Variants in SFI1 observed in about 807,000 individuals in gnomAD.
SFI1 encodes protein SFI1 homolog.
In SFI1, 195 loss-of-function variants were observed where a neutral mutation model predicts 207.5. The observed-to-expected ratio is 0.94, with a 90% CI of 0.84 to 1.06. The LOEUF is 1.06. Among genes scored for constraint, SFI1 ranks in the 50% least tolerant of loss-of-function variants. SFI1 has a pLI of 0.00. For synonymous variants in SFI1, 630 were observed against 598.9 expected, an observed-to-expected ratio of 1.05 and a Z score of -0.76; for missense variants, 1,634 against 1,588.0, an observed-to-expected ratio of 1.03 and a Z score of -0.49.
chr22:31,608,043 G>T lies in SFI1; in HGVS notation c.2254+10G>T. On this transcript the variant is annotated intron_variant, in intron 22 of 32. Transcript: ENST00000400288. ...AAGGTGCTGGACAGGGGTAAGTGGGGCCCCAGAAGCAAGTCATGTTGAGGA... is the reference window on the plus strand; with the variant it reads ...AAGGTGCTGGACAGGGGTAAGTGGGTCCCCAGAAGCAAGTCATGTTGAGGA... 6.2e-7 allele frequency: 1 copy of T among 1,611,498 alleles called. No homozygotes were observed.
intron 7 of SFI1, 135 bp from the exon 8 acceptor site, chr22:31,561,155 C>A (rs2061667914): frequency 1.5e-6 from 1 of 671,960 alleles, no homozygotes; most frequent in Non-Finnish European, 2.5e-6. Context: ...ATTTTTTTCC[C>A]CAGCAGTGAA....
chr22:31,596,863 GAC>G (rs1045862188), intron 15 of SFI1, among the ~76,000 whole-genome samples: 1 of 132,936 alleles, frequency 7.5e-6, no homozygotes, highest in Non-Finnish European at 1.6e-5. Context: ...CAGTACTGAA[GAC>G]ACGCACACAC....
intron 15 of SFI1, among the ~76,000 whole-genome samples, chr22:31,595,494 C>T (rs983111972): frequency 1.3e-5 from 2 of 152,180 alleles, no homozygotes; most frequent in South Asian, 2.1e-4. Context: ...GTGGTACAGC[C>T]AGGTTAATTC....
intron 12 of SFI1, among the ~76,000 whole-genome samples, chr22:31,581,913 G>T (rs1388651497): frequency 6.6e-6 from 1 of 151,772 alleles, no homozygotes; most frequent in Non-Finnish European, 1.5e-5. Flanking sequence ...AAATATTTCA[G>T]CATGCGTCAC....
chr22:31,551,983 C>T (rs188222863), intron 6 of SFI1, among the ~76,000 whole-genome samples: 4 of 152,140 alleles, frequency 2.6e-5, no homozygotes, highest in Non-Finnish European at 4.4e-5. Context: ...AAATAGTGAA[C>T]GTTGTACATG....
intron 8 of SFI1, among the ~76,000 whole-genome samples, chr22:31,566,026 C>T (rs181503938): frequency 4.0e-5 from 6 of 151,802 alleles, no homozygotes; most frequent in Admixed American, 1.3e-4. Context: ...ATTGTATAAA[C>T]AAGGCACCAT....
intron 4 of SFI1, among the ~76,000 whole-genome samples, chr22:31,545,290 G>A (rs898619898): frequency 1.9e-4 from 28 of 150,286 alleles, no homozygotes; most frequent in Non-Finnish European, 3.1e-4. Context: ...GCTTGAAGCC[G>A]GGAGGCAGAG....
At position 31,592,883 on chromosome 22, in the gene SFI1, C is replaced by T. The variant is rs1237708777; in HGVS notation, c.1544+3306C>T. ...CTGACCCCCCCATCTCCCTCCCGGA[C>T]GGGCTGGCTGGCCGGGCTGAGGGGC... On this transcript the variant is annotated intron_variant, in intron 15 of 32. Coordinates refer to ENST00000400288, the MANE Select transcript of SFI1 (RefSeq NM_001007467.3). Among the ~76,000 whole-genome samples the T allele has an allele frequency of 4.1e-5, 5 of 120,670 alleles. 1 individual carries two copies. The highest frequency in any genetic ancestry group is 5.0e-4 in the East Asian group (2 of 4,012). The allele number at this position is 120,670 out of a possible 152,430, so 79.2% of individuals were successfully genotyped here.
In SFI1 at chr22:31,545,560, A is replaced by AT. The variant is rs1190974380; in HGVS notation, c.339-1298dup. Among the ~76,000 whole-genome samples, 78 of 138,400 alleles carry AT rather than the reference A, an allele frequency of 5.6e-4. No individual in the cohort carries two copies. The East Asian group carries it at 0.014, about 26-fold the overall frequency. The allele number at this position is 138,400 out of a possible 152,430, so 90.8% of individuals were successfully genotyped here. On this transcript the variant is annotated intron_variant, in intron 4 of 32. Transcript: ENST00000400288. ...GAGATGGAGTTTTTAATTTAATTTA[A>AT]TTTAATTTAATTTAATTTAATTTAA... is the stretch of plus-strand genomic sequence containing the variant.
At chr22:31,511,850 C>T (rs1345023233) in intron 2 of SFI1, among the ~76,000 whole-genome samples, 1 of 151,926 alleles carries the variant, frequency 6.6e-6, no homozygotes, top group Non-Finnish European at 1.5e-5. Context: ...AGGAGCTTCG[C>T]CATGTTGGTC....
At chr22:31,615,410 A>T (rs2147414452) in intron 29 of SFI1, 131 bp downstream of exon 29, 1 of 814,048 alleles carries the variant, frequency 1.2e-6, no homozygotes. Flanking sequence ...CCATTTGACA[A>T]GCATAGGTAG....
chr22:31,616,248 C>A, intron 29 of SFI1: 1 of 153,188 alleles, frequency 6.5e-6, no homozygotes. Context: ...CATGTGGGGC[C>A]ACTTACCCTG....
intron 11 of SFI1, among the ~76,000 whole-genome samples, chr22:31,578,942 G>A (rs2146032207): frequency 6.6e-6 from 1 of 152,256 alleles, no homozygotes; most frequent in East Asian, 1.9e-4. Flanking sequence ...TGAAGCCTAA[G>A]GCATGGGGAA....
intron 5 of SFI1, among the ~76,000 whole-genome samples, chr22:31,547,512 T>C (rs2060200597): frequency 1.3e-5 from 2 of 151,908 alleles, no homozygotes; most frequent in South Asian, 4.1e-4. Context: ...GGTTATTTCA[T>C]GTTGGCTGGG....
At chr22:31,543,197 C>T (rs970530009) in intron 4 of SFI1, among the ~76,000 whole-genome samples, 1 of 149,726 alleles carries the variant, frequency 6.7e-6, no homozygotes, top group Non-Finnish European at 1.5e-5. Context: ...GTCTCGATCT[C>T]CTGACCTCAT....
chr22:31,614,171 G>A (rs550447132), intron 27 of SFI1: 9 of 393,776 alleles, frequency 2.3e-5, no homozygotes, highest in African/African-American at 1.2e-4. Flanking sequence ...CATACACGTA[G>A]TTGACAAAGG....
At chr22:31,543,160 T>C (rs1335585340) in intron 4 of SFI1, among the ~76,000 whole-genome samples, 2 of 150,898 alleles carry the variant, frequency 1.3e-5, no homozygotes, top group Admixed American at 6.6e-5. Context: ...TTAATAGAGA[T>C]GGGGTTTCAC....
intron 7 of SFI1, 128 bp downstream of exon 7, chr22:31,557,187 T>C (rs2061251330): frequency 1.5e-6 from 1 of 666,774 alleles, no homozygotes; most frequent in Non-Finnish European, 2.5e-6. Flanking sequence ...TTTTGTGTTT[T>C]GTTTTTTTCG....
At chr22:31,572,439 C>A (rs2063049149) in intron 8 of SFI1, among the ~76,000 whole-genome samples, 1 of 152,226 alleles carries the variant, frequency 6.6e-6, no homozygotes, top group South Asian at 2.1e-4. Flanking sequence ...AAAAGGCAGA[C>A]CCTCACTTAT....
Sources: allele counts gnomAD v4.1 joint callset (sites outside exome capture counted in the v4.1 genomes callset), GRCh38; gene constraint gnomAD v4.1.1; transcripts MANE v1.5; gene names NCBI Gene and HGNC (gene_info 2026-07-23, HGNC 2026-07-21).